The following KDM4C variants were observed in gnomAD, a reference collection of about 807,000 sequenced individuals.
KDM4C encodes the protein lysine demethylase 4C, also known as lysine-specific demethylase 4C.
KDM4C carries 81 observed loss-of-function variants against 129.3 expected under a neutral mutation model. That is an observed-to-expected ratio of 0.63 (90% CI 0.52 to 0.75). The LOEUF is 0.75. Among genes scored for constraint, KDM4C ranks in the 30% least tolerant of loss-of-function variants. The pLI is 0.00. For synonymous variants in KDM4C, 573 were observed against 456.1 expected, an observed-to-expected ratio of 1.26 and a Z score of -3.26; for missense variants, 1,457 against 1,304.0, an observed-to-expected ratio of 1.12 and a Z score of -1.81.
At chr9:6,810,476 A>C (rs888462802) in intron 3 of KDM4C, among the ~76,000 whole-genome samples, 2 of 152,240 alleles carry the variant, frequency 1.3e-5, no homozygotes, top group African/African-American at 4.8e-5. Context: ...TCTGGGGTTT[A>C]GAGATGGTTT....
intron 3 of KDM4C, among the ~76,000 whole-genome samples, chr9:6,807,761 C>T (rs1460566970): frequency 6.7e-6 from 1 of 148,254 alleles, no homozygotes; most frequent in East Asian, 2.0e-4. Flanking sequence ...AGCGTCTCCG[C>T]CCGGCAGCCA....
chr9:6,904,029 C>G (rs1199925657), intron 8 of KDM4C, among the ~76,000 whole-genome samples: 2 of 152,150 alleles, frequency 1.3e-5, no homozygotes, highest in African/African-American at 2.4e-5. Context: ...CACTTGAGAT[C>G]AGGAGTTCAG....
At chr9:7,047,658 T>TA (rs1169769806) in intron 16 of KDM4C, among the ~76,000 whole-genome samples, 1 of 152,018 alleles carries the variant, frequency 6.6e-6, no homozygotes, top group Non-Finnish European at 1.5e-5. Context: ...ATGTCTAAGA[T>TA]ATGTTTTGTT....
intron 1 of KDM4C, among the ~76,000 whole-genome samples, chr9:6,751,540 G>C (rs558315606): frequency 6.6e-6 from 1 of 152,264 alleles, no homozygotes; most frequent in East Asian, 1.9e-4. Flanking sequence ...ACATTGCAAA[G>C]GATCATGGGA....
chr9:6,919,258 T>TC (rs1398276214), intron 8 of KDM4C, among the ~76,000 whole-genome samples: 3 of 145,070 alleles, frequency 2.1e-5, no homozygotes, highest in Non-Finnish European at 4.5e-5. Context: ...TTTCTTTCTT[T>TC]CTTTCTTTCT....
At chr9:7,138,800 A>G (rs1402262001) in intron 19 of KDM4C, among the ~76,000 whole-genome samples, 2 of 152,206 alleles carry the variant, frequency 1.3e-5, no homozygotes, top group African/African-American at 2.4e-5. Flanking sequence ...TGCCTGGGTG[A>G]CAGAGCCAAA....
intron 1 of KDM4C, among the ~76,000 whole-genome samples, chr9:6,773,467 T>C (rs1822326169): frequency 6.6e-6 from 1 of 152,160 alleles, no homozygotes; most frequent in Non-Finnish European, 1.5e-5. Context: ...AATCTGTCAG[T>C]TTAATTTGTA....
rs1823150798 is a variant in KDM4C, at chr9:7,013,854, G to C, written c.2035G>C (p.Glu679Gln). The C allele has an allele frequency of 6.2e-7, 1 of 1,614,036 alleles. No individual in the cohort carries two copies. Among genetic ancestry groups the C allele is most frequent in the Non-Finnish European group, 8.5e-7 (1 of 1,179,902 alleles). ...AAAATTAGATGAAGTCGTTACATCG[G>C]AGGGAAAGACTAAGCCCCTCATACC... ...ETKLDEVVTS[E>Q]GKTKPLIPEM... The change falls in exon 14 of 22, where the codon GAG becomes CAG. Residue 679 changes from glutamate (E) to glutamine (Q), a missense_variant. Physicochemically the swap from Glu to Gln is conservative, Grantham distance 29. Coordinates refer to ENST00000381309, the MANE Select transcript of KDM4C (RefSeq NM_015061.6).
intron 12 of KDM4C, among the ~76,000 whole-genome samples, chr9:7,008,901 G>A (rs1291022775): frequency 1.3e-5 from 2 of 152,182 alleles, no homozygotes; most frequent in Non-Finnish European, 2.9e-5. Flanking sequence ...GGTTGTCCAA[G>A]CCAAAGCCAG....
At chr9:6,819,088 T>C (rs972315158) in intron 4 of KDM4C, 7 of 152,146 alleles carry the variant, frequency 4.6e-5, no homozygotes, top group Non-Finnish European at 8.8e-5. Context: ...AAGTTTTTTT[T>C]CTTTTAAGAT....
At chr9:6,835,341 A>G (rs1413844002) in intron 4 of KDM4C, 9 of 995,792 alleles carry the variant, frequency 9.0e-6, no homozygotes, top group African/African-American at 6.4e-5. Context: ...ACGCCAACAC[A>G]TTGCTGTCTG....
intron 12 of KDM4C, among the ~76,000 whole-genome samples, chr9:6,993,628 G>A (rs751844440): frequency 6.6e-6 from 1 of 152,162 alleles, no homozygotes; most frequent in Non-Finnish European, 1.5e-5. Flanking sequence ...TGAAGTGCAT[G>A]GGTGAACTAT....
chr9:6,748,273 T>G lies in KDM4C; in HGVS notation c.49+27276T>G, dbSNP rs7022731. 1.6e-3 allele frequency among the ~76,000 whole-genome samples: 244 copies of G among 151,824 alleles called. 2 individuals are homozygous for G. Among genetic ancestry groups the G allele is most frequent in the African/African-American group, 5.7e-3 (237 of 41,408 alleles). ...CTGTAATCCCAGCACTTTGGGAGGC[T>G]GAGGCAGGTGGATCACCTGAGGTCG... On this transcript the variant is annotated intron_variant, in intron 1 of 17. Transcript: ENST00000536108.
chr9:6,829,964 A>G (rs1485191344), intron 4 of KDM4C, among the ~76,000 whole-genome samples: 1 of 152,212 alleles, frequency 6.6e-6, no homozygotes, highest in Non-Finnish European at 1.5e-5. Context: ...TAAATAGAGT[A>G]GAAAGATTCA....
intron 5 of KDM4C, among the ~76,000 whole-genome samples, chr9:6,867,839 C>T (rs948023249): frequency 2.0e-5 from 3 of 152,158 alleles, no homozygotes; most frequent in African/African-American, 7.2e-5. Flanking sequence ...CCCTGCACTT[C>T]CCCACTGTCT....
At chr9:6,977,089 C>A (rs1183894992) in intron 8 of KDM4C, among the ~76,000 whole-genome samples, 1 of 152,138 alleles carries the variant, frequency 6.6e-6, no homozygotes, top group Non-Finnish European at 1.5e-5. Flanking sequence ...ATCAAGCCAT[C>A]CACCTGCCTC....
At chr9:6,817,355 C>G (rs1832307999) in intron 4 of KDM4C, among the ~76,000 whole-genome samples, 1 of 151,922 alleles carries the variant, frequency 6.6e-6, no homozygotes, top group Non-Finnish European at 1.5e-5. Flanking sequence ...GCAGGCGCCA[C>G]CATGCCTAGC....
chr9:6,744,602 G>T (rs959461986), intron 1 of KDM4C, among the ~76,000 whole-genome samples: 4 of 152,124 alleles, frequency 2.6e-5, no homozygotes, highest in African/African-American at 9.7e-5. Flanking sequence ...TACTATGTTG[G>T]TCAGATTGGT....
intron 1 of KDM4C, 85 bp from the exon 2 acceptor site, chr9:6,792,887 C>A: frequency 3.8e-6 from 5 of 1,330,034 alleles, no homozygotes; most frequent in Non-Finnish European, 5.3e-6. Flanking sequence ...AGGGTTCCTG[C>A]TGGGGGAGCT....
Sources: allele counts gnomAD v4.1 joint callset (sites outside exome capture counted in the v4.1 genomes callset), GRCh38; gene constraint gnomAD v4.1.1; transcripts MANE v1.5; gene names NCBI Gene and HGNC (gene_info 2026-07-23, HGNC 2026-07-21).